Variants in P4HA2 observed in about 807,000 individuals in gnomAD.
P4HA2 encodes prolyl 4-hydroxylase subunit alpha 2.
In P4HA2, 46 loss-of-function variants were observed where a neutral mutation model predicts 76.9. The observed-to-expected ratio is 0.60, with a 90% CI of 0.47 to 0.76. The LOEUF is 0.76. Ranked by LOEUF, P4HA2 falls within the 30% of genes least tolerant of loss-of-function variation. P4HA2 has a pLI of 0.00. For synonymous variants in P4HA2, 243 were observed against 254.0 expected (o/e 0.96, Z 0.41); for missense variants, 583 against 669.4 (o/e 0.87, Z 1.42).
intron 1 of P4HA2, among the ~76,000 whole-genome samples, chr5:132,223,943 C>T (rs73788829): frequency 0.013 from 1,923 of 152,332 alleles, 37 homozygotes; most frequent in African/African-American, 0.042. Context: ...GACTCCCAAA[C>T]AGGGAAGCCA....
rs141851075 is a variant in P4HA2, at chr5:132,198,897, C to T, written c.1287G>A (p.Pro429=). ...GCCTTACCCTAGAGAAGTCGAAGTG[C>T]GGTTCATACTGTCCTCCCACTCCAT... The part of the protein sequence containing the change: ...ANYGVGGQYE[P]HFDFSRRPFD... Residue 429 remains proline, a synonymous_variant, in exon 11 of 15, where the codon CCG becomes CCA. Coordinates refer to ENST00000360568, the MANE Select transcript of P4HA2 (RefSeq NM_001017974.2). 3.0e-5 allele frequency: 49 copies of T among 1,611,876 alleles called. 1 individual carries two copies. The African/African-American group carries it at 3.9e-4, about 13-fold the overall frequency.
chr5:132,196,151 CT>C (rs199841150), intron 12 of P4HA2, among the ~76,000 whole-genome samples: 2,975 of 152,262 alleles, frequency 0.02, 107 homozygotes, highest in African/African-American at 0.066. Context: ...GGCTCTCTTA[CT>C]TTTTTTGTCC....
rs1752907486 is a variant in P4HA2, at chr5:132,210,372, T to C, written c.621A>G (p.Ser207=). The change falls in exon 6 of 15, where the codon TCA becomes TCG. Residue 207 remains serine (S), a synonymous_variant. Transcript: ENST00000360568. The part of the protein sequence containing the change: ...DAGEEATTTK[S]QVLDYLSYAV... ...CATAGCTGAGGTAGTCCAGCACCTG[T>C]GACTTGGTTGTGGTGGCCTCCTCCC... 6.2e-7 allele frequency: 1 copy of C among 1,613,964 alleles called. No individual in the cohort carries two copies. Among genetic ancestry groups the C allele is most frequent in the Non-Finnish European group, 8.5e-7 (1 of 1,179,998 alleles).
chr5:132,218,093 C>T (rs938307856), intron 2 of P4HA2, among the ~76,000 whole-genome samples: 14 of 152,200 alleles, frequency 9.2e-5, no homozygotes, highest in African/African-American at 3.4e-4. Flanking sequence ...CTGGATGTCA[C>T]TCAAGAAGCA....
chr5:132,208,745 G>T (rs1221938341), intron 7 of P4HA2, among the ~76,000 whole-genome samples: 3 of 151,804 alleles, frequency 2.0e-5, no homozygotes, highest in Non-Finnish European at 4.4e-5. Context: ...GCTCTCAAAG[G>T]CTCGATACCA....
Position 132,217,310 on chromosome 5 carries a change from G to C in P4HA2, c.218C>G (p.Ala73Gly). Residue 73 changes from alanine to glycine, a missense_variant, in exon 4 of 15, where the codon GCT (alanine) becomes GGT (glycine). Transcript: ENST00000360568. ...NKMEALTSKSAADAEGYLAHP... is the reference protein window; with the variant it reads ...NKMEALTSKSGADAEGYLAHP... ...AGCCAGGTAGCCCTCAGCATCAGCA[G>C]CTGACTTGCTAGTCAAGGCTTCCAT... 6.2e-7 allele frequency: 1 copy of C among 1,614,186 alleles called. No individual in the cohort carries two copies. Among genetic ancestry groups the C allele is most frequent in the South Asian group, 1.1e-5 (1 of 91,080 alleles).
At chr5:132,208,377 G>C (rs1482128559) in intron 7 of P4HA2, among the ~76,000 whole-genome samples, 1 of 62,178 alleles carries the variant, frequency 1.6e-5, no homozygotes, top group African/African-American at 6.2e-5. Flanking sequence ...GGAGGAGAGA[G>C]GAGGAGAAGG....
intron 8 of P4HA2, among the ~76,000 whole-genome samples, chr5:132,205,434 C>G (rs79797482): frequency 6.6e-6 from 1 of 151,934 alleles, no homozygotes; most frequent in Non-Finnish European, 1.5e-5. Flanking sequence ...TTGTGGCCAA[C>G]GAGAAATGGG....
rs1177612528 is a variant in P4HA2, at chr5:132,191,491, G to A, written c.*1519C>T. On this transcript the variant is annotated 3_prime_UTR_variant, in exon 15 of 15. Transcript: ENST00000360568. Reference sequence around the variant, plus strand: ...CCCGCCACTGCACTCCAGCCTGGGCGACAGAGCGAGACTCCGTCTCAAAAA... The same window carrying A: ...CCCGCCACTGCACTCCAGCCTGGGCAACAGAGCGAGACTCCGTCTCAAAAA... Among the ~76,000 whole-genome samples, 672 of 130,788 alleles carry A rather than the reference G, an allele frequency of 5.1e-3. 7 individuals are homozygous for A. The highest frequency in any genetic ancestry group is 0.019 in the African/African-American group (635 of 33,818). The allele number at this position is 130,788 out of a possible 152,430, so 85.8% of individuals were successfully genotyped here.
chr5:132,192,843 G>A lies in P4HA2; in HGVS notation c.*167C>T, dbSNP rs1248338661. On this transcript the variant is annotated 3_prime_UTR_variant, in exon 15 of 15. Coordinates refer to ENST00000360568, the MANE Select transcript of P4HA2 (RefSeq NM_001017974.2). Reference sequence around the variant, plus strand: ...TGGCACAGGCTGAATGGAAGGGCTGGGACTTCAGTCACACAGGAGTCGCCC... The same window carrying A: ...TGGCACAGGCTGAATGGAAGGGCTGAGACTTCAGTCACACAGGAGTCGCCC... 2 of 591,978 alleles carry A rather than the reference G, an allele frequency of 3.4e-6. No individual in the cohort carries two copies. The highest frequency in any genetic ancestry group is 5.6e-5 in the East Asian group (2 of 35,890). The allele number at this position is 591,978 out of a possible 1,614,324, so 36.7% of individuals were successfully genotyped here.
At chr5:132,193,168 G>C in intron 14 of P4HA2, 88 bp from the exon 15 acceptor site, 3 of 853,232 alleles carry the variant, frequency 3.5e-6, no homozygotes, top group Non-Finnish European at 2.0e-6. Flanking sequence ...CCCCTGCACT[G>C]TGCCCTGGAA....
rs1750030334 is a variant in P4HA2, at chr5:132,192,731, A to G, written c.*279T>C. Reference sequence around the variant, plus strand: ...GGTTCACTGAAACATCTCACACCTAAAACACCTGAGGTACAAAGGCACCTT... The same window carrying G: ...GGTTCACTGAAACATCTCACACCTAGAACACCTGAGGTACAAAGGCACCTT... On this transcript the variant is annotated 3_prime_UTR_variant, in exon 15 of 15. Coordinates refer to ENST00000360568, the MANE Select transcript of P4HA2 (RefSeq NM_001017974.2). 2.7e-6 allele frequency: 1 copy of G among 374,164 alleles called. No individual in the cohort carries two copies. The allele number at this position is 374,164 out of a possible 1,614,324, so 23.2% of individuals were successfully genotyped here.
intron 14 of P4HA2, among the ~76,000 whole-genome samples, chr5:132,194,662 A>T (rs73261838): frequency 6.6e-5 from 10 of 152,244 alleles, no homozygotes; most frequent in African/African-American, 2.4e-4. Flanking sequence ...AGGGTCCTGG[A>T]CCTATGGTGC....
At chr5:132,207,928 A>G (rs772623005) in intron 7 of P4HA2, 44 bp from the exon 8 acceptor site, 22 of 1,463,862 alleles carry the variant, frequency 1.5e-5, no homozygotes, top group Non-Finnish European at 1.9e-5. Context: ...GTGAGTCCTA[A>G]TCCTCGGTCC....
intron 1 of P4HA2, chr5:132,222,047 C>T (rs1338091828): frequency 6.6e-6 from 1 of 152,280 alleles, no homozygotes; most frequent in African/African-American, 2.4e-5. Flanking sequence ...CTCCTTACCT[C>T]ATCAGGCAGA....
Position 132,215,006 on chromosome 5 carries a change from G to A in P4HA2, c.332-953C>T, listed in dbSNP as rs79192131. ...TGCCTCTAAGCTGAGAAGTGAGAGG[G>A]GAACAACAAGGCCATTCCTTCCCCA... On this transcript the variant is annotated intron_variant, in intron 4 of 14. Coordinates refer to ENST00000360568, the MANE Select transcript of P4HA2 (RefSeq NM_001017974.2). 4.5e-3 allele frequency among the ~76,000 whole-genome samples: 684 copies of A among 152,300 alleles called. 6 individuals carry two copies. The highest frequency in any genetic ancestry group is 0.015 in the African/African-American group (611 of 41,560).
intron 1 of P4HA2, among the ~76,000 whole-genome samples, chr5:132,223,767 A>G (rs1754955098): frequency 6.6e-6 from 1 of 152,250 alleles, no homozygotes; most frequent in Non-Finnish European, 1.5e-5. Context: ...TTCAGATATA[A>G]GATAGATACA....
intron 12 of P4HA2, 55 bp downstream of exon 12, chr5:132,198,263 CTCA>C: frequency 6.2e-7 from 1 of 1,614,240 alleles, no homozygotes; most frequent in Non-Finnish European, 8.5e-7. Context: ...AAGTATCTCG[CTCA>C]TCATTCTACA....
At chr5:132,199,050 CT>C in intron 10 of P4HA2, 118 bp from the exon 11 acceptor site, 1 of 717,606 alleles carries the variant, frequency 1.4e-6, no homozygotes, top group East Asian at 2.6e-5. Flanking sequence ...CAAGAGCAGC[CT>C]CTCTAAGGTG....
Sources: allele counts gnomAD v4.1 joint callset (sites outside exome capture counted in the v4.1 genomes callset), GRCh38; gene constraint gnomAD v4.1.1; transcripts MANE v1.5; gene names NCBI Gene and HGNC (gene_info 2026-07-23, HGNC 2026-07-21).